WWC2: variants seen among roughly 807,000 people sequenced by gnomAD.
WWC2 encodes WW and C2 domain containing 2.
In WWC2, 101 loss-of-function variants were observed where a neutral mutation model predicts 138.5. The ratio of observed to expected loss-of-function variants is 0.73; its 90% CI spans 0.62 to 0.86. The LOEUF (loss-of-function observed/expected upper bound fraction) is 0.86. Ranked by LOEUF, WWC2 falls within the 40% of genes least tolerant of loss-of-function variation. The pLI is 0.00. For synonymous variants in WWC2, 558 were observed against 538.4 expected, an observed-to-expected ratio of 1.04 and a Z score of -0.50; for missense variants, 1,420 against 1,419.4, an observed-to-expected ratio of 1.00 and a Z score of -0.01.
rs182479560 is a variant in WWC2, at chr4:183,275,137, T to C, written c.2562+3896T>C. Among the ~76,000 whole-genome samples the C allele has an allele frequency of 3.4e-3, 469 of 137,304 alleles. 1 individual carries two copies. The highest frequency in any genetic ancestry group is 5.4e-3 in the Non-Finnish European group (332 of 61,068). 90.1% of individuals were successfully genotyped at this position (137,304 alleles called of 152,430 possible). On this transcript the variant is annotated intron_variant, in intron 16 of 22. Transcript: ENST00000403733. ...GTTTTCTCAGTTGCATTTTTAAGTG[T>C]TTGTTGCACAGTTGATTTTATCTTG...
At chr4:183,235,699 A>G (rs1408773973) in intron 4 of WWC2, among the ~76,000 whole-genome samples, 1 of 152,234 alleles carries the variant, frequency 6.6e-6, no homozygotes, top group Non-Finnish European at 1.5e-5. Context: ...ATTCCATTGT[A>G]TATACACACT....
intron 4 of WWC2, among the ~76,000 whole-genome samples, chr4:183,224,604 A>G (rs899370035): frequency 1.3e-5 from 2 of 152,196 alleles, no homozygotes; most frequent in African/African-American, 2.4e-5. Context: ...TCTGTCACCC[A>G]GGATGGAGTG....
intron 14 of WWC2, among the ~76,000 whole-genome samples, chr4:183,266,468 A>T (rs1283522150): frequency 6.6e-6 from 1 of 152,214 alleles, no homozygotes. Context: ...GAATCCCAAC[A>T]AAGTGATGAC....
At chr4:183,135,651 A>G (rs923688929) in intron 1 of WWC2, among the ~76,000 whole-genome samples, 37 of 152,194 alleles carry the variant, frequency 2.4e-4, no homozygotes, top group South Asian at 6.2e-4. Flanking sequence ...CTTCCGTACC[A>G]CTTTCTTGTT....
At chr4:183,235,783 T>C (rs1287494886) in intron 4 of WWC2, among the ~76,000 whole-genome samples, 1 of 152,234 alleles carries the variant, frequency 6.6e-6, no homozygotes, top group Non-Finnish European at 1.5e-5. Flanking sequence ...TGAATCATGC[T>C]ACAGTGAACA....
At chr4:183,218,581 C>A (rs777425109) in intron 4 of WWC2, among the ~76,000 whole-genome samples, 27 of 152,136 alleles carry the variant, frequency 1.8e-4, no homozygotes, top group Non-Finnish European at 1.5e-4. Context: ...ACTGGCGAGT[C>A]CAGATTTGCG....
At position 183,253,920 on chromosome 4, in the gene WWC2, C is replaced by T. The variant is rs755775249; in HGVS notation, c.1117C>T (p.Arg373Cys). The change falls in exon 9 of 23, where the codon CGC (arginine) becomes TGC (cysteine). Residue 373 changes from arginine to cysteine, a missense_variant. Coordinates refer to ENST00000403733, the MANE Select transcript of WWC2 (RefSeq NM_024949.6). ...PQKRTQDELERLEAERQRLEE... is the reference protein window; with the variant it reads ...PQKRTQDELECLEAERQRLEE... ...GAAACGTACCCAAGATGAATTAGAACGCCTAGAAGCTGAAAGGCAGCGGCT... is the reference window on the plus strand; with the variant it reads ...GAAACGTACCCAAGATGAATTAGAATGCCTAGAAGCTGAAAGGCAGCGGCT... 3.5e-5 allele frequency: 56 copies of T among 1,613,658 alleles called. No individual in the cohort carries two copies. The highest frequency in any genetic ancestry group is 1.9e-4 in the South Asian group (17 of 91,036).
At chr4:183,201,026 G>A (rs1285152918) in intron 2 of WWC2, among the ~76,000 whole-genome samples, 2 of 152,154 alleles carry the variant, frequency 1.3e-5, no homozygotes, top group Non-Finnish European at 2.9e-5. Context: ...TTTGAGGCAG[G>A]TTGCACTCAC....
chr4:183,165,667 G>A (rs922627381), intron 1 of WWC2, among the ~76,000 whole-genome samples: 11 of 152,242 alleles, frequency 7.2e-5, no homozygotes, highest in African/African-American at 2.2e-4. Context: ...ACTGAAGCCC[G>A]TTGAGGCTTA....
chr4:183,170,408 C>T (rs771412512), intron 1 of WWC2, among the ~76,000 whole-genome samples: 5 of 152,172 alleles, frequency 3.3e-5, no homozygotes, highest in Non-Finnish European at 5.9e-5. Flanking sequence ...GACAAACTTT[C>T]CAGCTCTCAA....
chr4:183,191,767 G>T (rs1734999059), intron 1 of WWC2, among the ~76,000 whole-genome samples: 1 of 151,632 alleles, frequency 6.6e-6, no homozygotes, highest in Middle Eastern at 3.4e-3. Context: ...TTGCTCTGTT[G>T]CCCAGGCTGG....
At chr4:183,104,069 C>T (rs929534436) in intron 1 of WWC2, among the ~76,000 whole-genome samples, 6 of 152,064 alleles carry the variant, frequency 3.9e-5, no homozygotes, top group Non-Finnish European at 8.8e-5. Context: ...AAGTGATTCT[C>T]CTGCCTCAGC....
intron 15 of WWC2, 93 bp downstream of exon 15, chr4:183,269,256 A>G: frequency 2.4e-6 from 3 of 1,259,008 alleles, no homozygotes; most frequent in Non-Finnish European, 3.3e-6. Flanking sequence ...AGCCCTAGAA[A>G]TCACTACAGA....
At chr4:183,254,119 C>A in intron 9 of WWC2, 120 bp downstream of exon 9, 1 of 1,404,176 alleles carries the variant, frequency 7.1e-7, no homozygotes, top group Non-Finnish European at 9.5e-7. Context: ...TGAGAAACAG[C>A]ACAAATGGAC....
chr4:183,306,011 G>A (rs902335371), intron 21 of WWC2, among the ~76,000 whole-genome samples: 1 of 152,124 alleles, frequency 6.6e-6, no homozygotes, highest in African/African-American at 2.4e-5. Flanking sequence ...GGGATATTTT[G>A]TTATTATAAG....
Position 183,245,436 on chromosome 4 carries a change from G to A in WWC2, c.623G>A (p.Gly208Glu). 1 of 1,555,556 alleles carries A rather than the reference G, an allele frequency of 6.4e-7. No individual in the cohort carries two copies. Among genetic ancestry groups the A allele is most frequent in the Non-Finnish European group, 8.6e-7 (1 of 1,159,038 alleles). Residue 208 changes from glycine to glutamate, a missense_variant, in exon 6 of 23, where the codon GGA becomes GAA. Physicochemically the swap from Gly to Glu is moderately conservative, Grantham distance 98. Transcript: ENST00000403733. Reference sequence around the variant, plus strand: ...CACAGAATTGATAAAAAAATGTCTGGAGGCCAGAGCGGGTATGAACTCAGT... The same window carrying A: ...CACAGAATTGATAAAAAAATGTCTGAAGGCCAGAGCGGGTATGAACTCAGT... ...TLQQIDKKMS[G>E]GQSGYELSEA... is the part of the protein sequence containing the mutation.
chr4:183,215,465 CAGAA>C (rs773288196), intron 4 of WWC2, among the ~76,000 whole-genome samples: 61 of 151,734 alleles, frequency 4.0e-4, no homozygotes, highest in Non-Finnish European at 8.1e-4. Flanking sequence ...AAAAGCAAGA[CAGAA>C]AGAAAATGAG....
intron 10 of WWC2, among the ~76,000 whole-genome samples, chr4:183,260,271 T>G (rs555069310): frequency 6.6e-6 from 1 of 152,336 alleles, no homozygotes; most frequent in South Asian, 2.1e-4. Context: ...CTTCTAGATG[T>G]CTATGCAAAT....
At chr4:183,309,485 C>T (rs1292836338) in intron 21 of WWC2, among the ~76,000 whole-genome samples, 1 of 152,126 alleles carries the variant, frequency 6.6e-6, no homozygotes, top group Non-Finnish European at 1.5e-5. Context: ...TATTTAACAT[C>T]GTATGTCAAT....
Sources: allele counts gnomAD v4.1 joint callset (sites outside exome capture counted in the v4.1 genomes callset), GRCh38; gene constraint gnomAD v4.1.1; transcripts MANE v1.5; gene names NCBI Gene and HGNC (gene_info 2026-07-23, HGNC 2026-07-21).